PCDHA4: variants seen among roughly 807,000 people sequenced by gnomAD.
The protein encoded by PCDHA4 is protocadherin alpha 4.
PCDHA4 carries 49 observed loss-of-function variants against 61.4 expected under a neutral mutation model. That is an observed-to-expected ratio of 0.80 (90% CI 0.63 to 1.01). The LOEUF (loss-of-function observed/expected upper bound fraction) is 1.01, where lower values mean the gene tolerates loss of function less well. Ranked by LOEUF, PCDHA4 falls within the 50% of genes least tolerant of loss-of-function variation. The pLI, the probability that PCDHA4 is intolerant of heterozygous loss-of-function variation, is 0.00. For synonymous variants in PCDHA4, 590 were observed against 550.3 expected (o/e 1.07, Z -1.01); for missense variants, 1,254 against 1,235.8 (o/e 1.01, Z -0.22).
intron 1 of PCDHA4, among the ~76,000 whole-genome samples, chr5:140,818,664 C>T (rs1554127546): frequency 6.6e-6 from 1 of 152,120 alleles, no homozygotes; most frequent in Non-Finnish European, 1.5e-5. Context: ...TAGGGAGACT[C>T]CATCTTTACA....
At chr5:140,836,909 C>G in intron 1 of PCDHA4, 1 of 579,744 alleles carries the variant, frequency 1.7e-6, no homozygotes, top group South Asian at 2.9e-5. Context: ...TTAATATACA[C>G]TTTTGTTTTG....
intron 1 of PCDHA4, chr5:140,827,913 C>A: frequency 1.2e-6 from 1 of 854,748 alleles, no homozygotes; most frequent in Non-Finnish European, 1.8e-6. Context: ...CGCATGATGT[C>A]GCTGTCTACC....
At position 140,946,611 on chromosome 5, in the gene PCDHA4, A is replaced by AATATATATATATATATATATATATAT. The variant is rs1554217734; in HGVS notation, c.2386-32317_2386-32316insTATATATATATATATATATATATATA. Among the ~76,000 whole-genome samples, 847 of 86,186 alleles carry AATATATATATATATATATATATATAT rather than the reference A, an allele frequency of 9.8e-3. 28 individuals carry two copies. The highest frequency in any genetic ancestry group is 0.012 in the Non-Finnish European group (550 of 46,284). The allele number at this position is 86,186 out of a possible 152,430, so 56.5% of individuals were successfully genotyped here. ...GGATGAATAGATAAAGAAAATGTGA[A>AATATATATATATATATATATATATAT]ATATATATATATATATATATACAAT... On this transcript the variant is annotated intron_variant, in intron 1 of 3. Coordinates refer to ENST00000530339, the MANE Select transcript of PCDHA4 (RefSeq NM_018907.4).
intron 1 of PCDHA4, chr5:140,834,738 G>A (rs2150225260): frequency 5.6e-6 from 9 of 1,614,242 alleles, no homozygotes; most frequent in Non-Finnish European, 7.6e-6. Context: ...GGTTTTCCAT[G>A]TGGACGTGGA....
intron 1 of PCDHA4, chr5:140,850,371 C>T (rs1386017704): frequency 1.9e-6 from 3 of 1,597,910 alleles, no homozygotes; most frequent in Non-Finnish European, 2.6e-6. Flanking sequence ...CCGCGTGGGG[C>T]TGTACACGGG....
At chr5:140,963,204 A>G (rs2095745825) in intron 1 of PCDHA4, among the ~76,000 whole-genome samples, 1 of 152,104 alleles carries the variant, frequency 6.6e-6, no homozygotes, top group African/African-American at 2.4e-5. Flanking sequence ...ATGAAAAAAA[A>G]AACCTCGTGT....
At chr5:140,905,144 A>G (rs2071622994) in intron 1 of PCDHA4, among the ~76,000 whole-genome samples, 2 of 152,130 alleles carry the variant, frequency 1.3e-5, no homozygotes, top group African/African-American at 2.4e-5. Context: ...TTCTGCTGTT[A>G]TATTTTAGAA....
intron 1 of PCDHA4, chr5:140,848,627 C>A (rs2150415435): frequency 6.3e-7 from 1 of 1,593,432 alleles, no homozygotes; most frequent in Non-Finnish European, 8.6e-7. Context: ...ACGGCACCTT[C>A]GTGGGCCGCA....
At chr5:140,818,348 A>T (rs1554127450) in intron 1 of PCDHA4, among the ~76,000 whole-genome samples, 1 of 152,212 alleles carries the variant, frequency 6.6e-6, no homozygotes, top group Admixed American at 6.5e-5. Context: ...CCACTGTCAA[A>T]GTCATTGATT....
At chr5:140,850,666 C>G in intron 1 of PCDHA4, 1 of 1,598,434 alleles carries the variant, frequency 6.3e-7, no homozygotes, top group Non-Finnish European at 8.6e-7. Flanking sequence ...CTGCGGTGCT[C>G]GGCGATGCCC....
chr5:140,838,092 G>C (rs1775529438), intron 1 of PCDHA4, among the ~76,000 whole-genome samples: 1 of 140,050 alleles, frequency 7.1e-6, no homozygotes, highest in Admixed American at 7.0e-5. Context: ...GTGTGTGTGT[G>C]TGTGTGTGTG....
rs111391918 is a variant in PCDHA4 at position 140,984,395 on chromosome 5, G to A, written c.2533+1832G>A. ...CCCTCTTTCAGATTCAAAAAATGTTGAGAACCTATCTTTTTTACAGAGATA... is the reference window on the plus strand; with the variant it reads ...CCCTCTTTCAGATTCAAAAAATGTTAAGAACCTATCTTTTTTACAGAGATA... On this transcript the variant is annotated intron_variant, in intron 3 of 3. Coordinates refer to ENST00000530339, the MANE Select transcript of PCDHA4 (RefSeq NM_018907.4). 6.4e-3 allele frequency among the ~76,000 whole-genome samples: 978 copies of A among 152,194 alleles called. 14 individuals are homozygous for A. Among genetic ancestry groups the A allele is most frequent in the African/African-American group, 0.023 (947 of 41,508 alleles).
At chr5:140,893,768 CT>C (rs1171880038) in intron 1 of PCDHA4, among the ~76,000 whole-genome samples, 1 of 152,132 alleles carries the variant, frequency 6.6e-6, no homozygotes, top group Non-Finnish European at 1.5e-5. Flanking sequence ...TGACTTGTCA[CT>C]TTTCTTTTAC....
chr5:140,855,025 A>G (rs2043311699), intron 1 of PCDHA4, among the ~76,000 whole-genome samples: 1 of 149,914 alleles, frequency 6.7e-6, no homozygotes. Context: ...AACTTCTTGT[A>G]TAAAGGATTT....
chr5:140,828,568 T>G lies in PCDHA4; in HGVS notation c.2385+18996T>G. 6.2e-7 allele frequency: 1 copy of G among 1,614,248 alleles called. No homozygotes were observed. Among genetic ancestry groups the G allele is most frequent in the African/African-American group, 1.3e-5 (1 of 75,060 alleles). On this transcript the variant is annotated intron_variant, in intron 1 of 3. Coordinates refer to ENST00000530339, the MANE Select transcript of PCDHA4 (RefSeq NM_018907.4). ...TGTTTCCACTGGAGGGCGCGTCCGA[T>G]GCAGATGTTGGCTCAAATTCCATCT...
intron 1 of PCDHA4, among the ~76,000 whole-genome samples, chr5:140,905,904 C>T (rs2072197856): frequency 6.6e-6 from 1 of 152,160 alleles, no homozygotes; most frequent in African/African-American, 2.4e-5. Context: ...AGCTGAGGAG[C>T]AAGGAATCCA....
intron 1 of PCDHA4, among the ~76,000 whole-genome samples, chr5:140,906,888 A>C (rs1438258969): frequency 6.6e-6 from 1 of 152,102 alleles, no homozygotes; most frequent in Admixed American, 6.5e-5. Flanking sequence ...CTTCCTTCTT[A>C]GATTGTTGGT....
intron 1 of PCDHA4, chr5:140,853,653 C>G: frequency 3.0e-6 from 3 of 988,604 alleles, no homozygotes; most frequent in Non-Finnish European, 3.7e-6. Flanking sequence ...TGAGCCTGTT[C>G]CAGACAAATT....
chr5:140,902,976 G>T (rs2069915302), intron 1 of PCDHA4, among the ~76,000 whole-genome samples: 1 of 152,140 alleles, frequency 6.6e-6, no homozygotes, highest in African/African-American at 2.4e-5. Flanking sequence ...GGGCATTTAG[G>T]TTGGTTCCAT....
Sources: allele counts gnomAD v4.1 joint callset (sites outside exome capture counted in the v4.1 genomes callset), GRCh38; gene constraint gnomAD v4.1.1; transcripts MANE v1.5; gene names NCBI Gene and HGNC (gene_info 2026-07-23, HGNC 2026-07-21).